Variants in MAP3K13 observed in about 807,000 individuals in gnomAD.
The protein encoded by MAP3K13 is leucine zipper-bearing kinase.
Under a neutral mutation model 104.0 loss-of-function variants are expected in MAP3K13, and 52 were observed. The ratio of observed to expected loss-of-function variants is 0.50; its 90% CI spans 0.40 to 0.63. The LOEUF (loss-of-function observed/expected upper bound fraction) is 0.63, where lower values mean the gene tolerates loss of function less well. Ranked by LOEUF, MAP3K13 falls within the 20% of genes least tolerant of loss-of-function variation. The probability of loss-of-function intolerance (pLI) is 0.00; values close to 1 mark genes in which losing one functional copy is unlikely to be tolerated. For missense variants in MAP3K13, 914 were observed against 1,218.5 expected, an observed-to-expected ratio of 0.75 and a Z score of 3.72; for synonymous variants, 394 against 442.2, an observed-to-expected ratio of 0.89 and a Z score of 1.37.
intron 2 of MAP3K13, among the ~76,000 whole-genome samples, chr3:185,435,041 T>C (rs1279107839): frequency 6.6e-6 from 1 of 152,082 alleles, no homozygotes; most frequent in Non-Finnish European, 1.5e-5. Flanking sequence ...TTTCGCTCTG[T>C]CACCCAGGCT....
At chr3:185,481,869 G>A (rs143837878) in intron 13 of MAP3K13, among the ~76,000 whole-genome samples, 2 of 152,334 alleles carry the variant, frequency 1.3e-5, no homozygotes, top group African/African-American at 4.8e-5. Context: ...TGGATCACAA[G>A]GTCAGGAGAT....
At chr3:185,398,695 C>A (rs191364270) in intron 1 of MAP3K13, among the ~76,000 whole-genome samples, 3 of 152,352 alleles carry the variant, frequency 2.0e-5, no homozygotes, top group Admixed American at 2.0e-4. Flanking sequence ...ATGTAGCAGG[C>A]ACACAGGAAA....
intron 1 of MAP3K13, among the ~76,000 whole-genome samples, chr3:185,387,708 A>G (rs948140759): frequency 6.6e-6 from 1 of 152,158 alleles, no homozygotes; most frequent in Non-Finnish European, 1.5e-5. Flanking sequence ...ACTCACAGCT[A>G]TCATCACACT....
intron 7 of MAP3K13, among the ~76,000 whole-genome samples, chr3:185,456,821 G>A (rs34106993): frequency 0.7 from 105,987 of 151,844 alleles, 38,827 homozygotes; most frequent in Middle Eastern, 0.82. Context: ...GGCTGGTCTC[G>A]AACTCTTCAC....
chr3:185,425,718 A>C (rs528414257), intron 1 of MAP3K13, among the ~76,000 whole-genome samples: 1 of 152,286 alleles, frequency 6.6e-6, no homozygotes, highest in African/African-American at 2.4e-5. Flanking sequence ...ACTTTTTCTA[A>C]GAGTTATCTC....
intron 2 of MAP3K13, among the ~76,000 whole-genome samples, chr3:185,431,046 C>G (rs75666452): frequency 0.071 from 10,867 of 152,076 alleles, 626 homozygotes; most frequent in East Asian, 0.22. Context: ...AGAGAAGGGG[C>G]AAGGGCCACA....
At chr3:185,293,310 G>T (rs968945672) in intron 2 of MAP3K13, among the ~76,000 whole-genome samples, 2 of 152,092 alleles carry the variant, frequency 1.3e-5, no homozygotes, top group East Asian at 1.9e-4. Flanking sequence ...TAGAGATGGG[G>T]TTTCGCCATG....
chr3:185,417,426 A>G (rs1471740383), intron 1 of MAP3K13: 1 of 1,370,412 alleles, frequency 7.3e-7, no homozygotes, highest in Non-Finnish European at 1.0e-6. Context: ...TGCCTGTATA[A>G]TCAGGTCTTT....
intron 2 of MAP3K13, among the ~76,000 whole-genome samples, chr3:185,326,128 C>A (rs950217722): frequency 6.6e-6 from 1 of 152,146 alleles, no homozygotes; most frequent in Non-Finnish European, 1.5e-5. Flanking sequence ...CATGAAATTT[C>A]CTGGTTTGTC....
chr3:185,410,492 A>C (rs1174337772), intron 1 of MAP3K13, among the ~76,000 whole-genome samples: 1 of 152,192 alleles, frequency 6.6e-6, no homozygotes, highest in Non-Finnish European at 1.5e-5. Context: ...AGAAAAGAGA[A>C]TATTTTAATG....
upstream of MAP3K13, among the ~76,000 whole-genome samples, chr3:185,361,178 T>TTA (rs558377440): frequency 6.7e-3 from 1,002 of 149,644 alleles, 16 homozygotes; most frequent in African/African-American, 0.023. Context: ...TGTGTATATA[T>TTA]TATATATATA....
chr3:185,453,013 G>T (rs953641305), intron 7 of MAP3K13, among the ~76,000 whole-genome samples: 3 of 152,150 alleles, frequency 2.0e-5, no homozygotes, highest in African/African-American at 7.2e-5. Context: ...CTGGAGAGGG[G>T]AAGAATTGGT....
At chr3:185,411,465 T>C (rs1387643959) in intron 1 of MAP3K13, among the ~76,000 whole-genome samples, 1 of 152,222 alleles carries the variant, frequency 6.6e-6, no homozygotes, top group Non-Finnish European at 1.5e-5. Context: ...TTGCTGGACA[T>C]ACCACCTACT....
chr3:185,364,559 C>G (rs1723781602), intron 1 of MAP3K13, among the ~76,000 whole-genome samples: 1 of 152,176 alleles, frequency 6.6e-6, no homozygotes, highest in Admixed American at 6.5e-5. Flanking sequence ...TGAAGCAAGA[C>G]TTCTAAATTA....
At chr3:185,445,980 C>A (rs1021461241) in intron 4 of MAP3K13, among the ~76,000 whole-genome samples, 1 of 152,148 alleles carries the variant, frequency 6.6e-6, no homozygotes, top group African/African-American at 2.4e-5. Context: ...ATATTTTAAT[C>A]CTTATGCATT....
intron 5 of MAP3K13, chr3:185,448,200 T>C (rs1395073235): frequency 3.6e-6 from 2 of 548,448 alleles, no homozygotes; most frequent in Non-Finnish European, 6.6e-6. Flanking sequence ...TGCTGAACTT[T>C]CTAGGAAACT....
At position 185,450,960 on chromosome 3, in the gene MAP3K13, G is replaced by A. The variant is rs1715848217; in HGVS notation, c.1170-327G>A. 1.3e-5 allele frequency among the ~76,000 whole-genome samples: 2 copies of A among 152,204 alleles called. No individual in the cohort carries two copies. The highest frequency in any genetic ancestry group is 2.1e-4 in the South Asian group (1 of 4,816). ...AAAAAATTAGCCAGGTCTGGTGGCG[G>A]GTGCCTGTAGTCCCAGCTACTCAGG... On this transcript the variant is annotated intron_variant, in intron 6 of 13. Coordinates refer to ENST00000265026, the MANE Select transcript of MAP3K13 (RefSeq NM_004721.5). The surrounding 1 kb of genome is among the most constrained non-coding windows in gnomAD (Gnocchi z 4.2).
At chr3:185,346,213 A>G (rs1227724385) in intron 2 of MAP3K13, among the ~76,000 whole-genome samples, 2 of 152,238 alleles carry the variant, frequency 1.3e-5, no homozygotes, top group Non-Finnish European at 2.9e-5. Context: ...TGGTTAAAAT[A>G]GCAGTGAACT....
chr3:185,401,491 G>C (rs1029751097), intron 1 of MAP3K13, among the ~76,000 whole-genome samples: 1 of 152,112 alleles, frequency 6.6e-6, no homozygotes, highest in Non-Finnish European at 1.5e-5. Context: ...TCCTCGGGGA[G>C]CTTCATGGAT....
Sources: gnomAD v4.1 joint callset for allele counts (sites outside exome capture counted in the v4.1 genomes callset) on GRCh38, gnomAD v4.1.1 for gene constraint, Gnocchi (gnomAD v3.1) non-coding constraint, MANE v1.5 for transcripts, NCBI Gene and HGNC (gene_info 2026-07-23, HGNC 2026-07-21) for gene names.